KIAA2012: variants seen among roughly 807,000 people sequenced by gnomAD.
KIAA2012 encodes the protein KIAA2012, also known as uncharacterized protein KIAA2012.
KIAA2012 carries 125 observed loss-of-function variants against 150.6 expected under a neutral mutation model. The ratio of observed to expected loss-of-function variants is 0.83; its 90% confidence interval spans 0.72 to 0.96. The LOEUF is 0.96. Ranked by LOEUF, KIAA2012 falls within the 40% of genes least tolerant of loss-of-function variation. The probability of loss-of-function intolerance (pLI) is 0.00; values close to 1 mark genes in which losing one functional copy is unlikely to be tolerated. For missense variants in KIAA2012, 1,219 were observed against 1,354.9 expected, an observed-to-expected ratio of 0.90 and a Z score of 1.57; for synonymous variants, 462 against 504.7, an observed-to-expected ratio of 0.92 and a Z score of 1.13.
At chr2:202,100,861 C>T (rs1690023997) in intron 7 of KIAA2012, among the ~76,000 whole-genome samples, 1 of 152,198 alleles carries the variant, frequency 6.6e-6, no homozygotes, top group South Asian at 2.1e-4. Context: ...GGGTCTATCA[C>T]CTTTGAAAAT....
At chr2:202,180,176 C>CAGG (rs1692089711) in intron 15 of KIAA2012, among the ~76,000 whole-genome samples, 2 of 149,196 alleles carry the variant, frequency 1.3e-5, no homozygotes, top group Admixed American at 6.8e-5. Flanking sequence ...GAGGCTGAGG[C>CAGG]AGGAGAATCA....
chr2:202,095,504 T>C lies in KIAA2012; in HGVS notation c.686-1931T>C, dbSNP rs1223324983. Among the ~76,000 whole-genome samples the C allele has an allele frequency of 2.6e-5, 4 of 152,340 alleles. No homozygotes were observed. In the East Asian group the frequency reaches 7.7e-4, roughly 29 times the overall value. The stretch of plus-strand genomic sequence containing the variant: ...ACAGGAGAGGACAGAGCTACTCCAA[T>C]GCACATTATCTGGATTATCTGAATC... On this transcript the variant is annotated intron_variant, in intron 4 of 23. Coordinates refer to ENST00000498697, the MANE Select transcript of KIAA2012 (RefSeq NM_001277372.4).
intron 5 of KIAA2012, among the ~76,000 whole-genome samples, chr2:202,098,272 AT>A (rs1689945321): frequency 6.6e-6 from 1 of 152,200 alleles, no homozygotes; most frequent in Non-Finnish European, 1.5e-5. Flanking sequence ...AGGCAGGAGA[AT>A]CGCTTGAACC....
intron 4 of KIAA2012, among the ~76,000 whole-genome samples, chr2:202,095,545 G>A (rs1207525321): frequency 6.6e-6 from 1 of 152,162 alleles, no homozygotes; most frequent in Non-Finnish European, 1.5e-5. Context: ...CTGAGATATA[G>A]AGAGACTAAG....
chr2:202,139,814 A>G (rs989270082), intron 13 of KIAA2012, among the ~76,000 whole-genome samples: 2 of 151,906 alleles, frequency 1.3e-5, no homozygotes, highest in Non-Finnish European at 2.9e-5. Flanking sequence ...AAAACATAAT[A>G]TGGTGTATTT....
chr2:202,135,081 C>T (rs1355696685), intron 12 of KIAA2012, among the ~76,000 whole-genome samples: 1 of 152,222 alleles, frequency 6.6e-6, no homozygotes, highest in East Asian at 1.9e-4. Context: ...ATCTCTAAAA[C>T]TGCCTGATTA....
At chr2:202,165,721 CA>C (rs949931292) in intron 15 of KIAA2012, among the ~76,000 whole-genome samples, 78 of 150,260 alleles carry the variant, frequency 5.2e-4, no homozygotes, top group African/African-American at 1.8e-3. Flanking sequence ...AACTCCATCT[CA>C]AAAAAAAAGA....
At chr2:202,080,751 C>T (rs1689434487) in intron 2 of KIAA2012, among the ~76,000 whole-genome samples, 1 of 151,154 alleles carries the variant, frequency 6.6e-6, no homozygotes, top group Admixed American at 6.6e-5. Flanking sequence ...TAGTATTATA[C>T]CAGTACCATT....
intron 15 of KIAA2012, chr2:202,180,081 G>C (rs940005589): frequency 5.4e-6 from 2 of 371,202 alleles, no homozygotes; most frequent in East Asian, 7.1e-5. Context: ...AGACCAGCCT[G>C]ACCAACATGG....
intron 2 of KIAA2012, among the ~76,000 whole-genome samples, chr2:202,090,378 C>T (rs1172213751): frequency 6.6e-6 from 1 of 152,232 alleles, no homozygotes; most frequent in African/African-American, 2.4e-5. Context: ...ATTCACATTA[C>T]AAACATTGAA....
chr2:202,189,590 G>A (rs1692291077), intron 18 of KIAA2012, among the ~76,000 whole-genome samples: 1 of 151,952 alleles, frequency 6.6e-6, no homozygotes, highest in Non-Finnish European at 1.5e-5. Flanking sequence ...ACGCCCGGCT[G>A]AAATAGAACT....
chr2:202,179,633 T>C (rs1418614405), intron 15 of KIAA2012: 5 of 658,140 alleles, frequency 7.6e-6, no homozygotes, highest in Non-Finnish European at 1.2e-5. Context: ...GTGCGGAGAG[T>C]AGCTTCTGTA....
chr2:202,073,666 G>A lies in KIAA2012; in HGVS notation c.39G>A (p.Lys13=). ...TLSLLSRGHG[K]LGQDKQKLEV... ...CCCTCCTGAGCCGGGGCCACGGGAA[G>A]CTGGGCCAGGACAAACAGAAGTTAG... Residue 13 remains lysine (K), a synonymous_variant, in exon 1 of 24, where the codon AAG becomes AAA. Transcript: ENST00000498697. 9 of 1,550,478 alleles carry A rather than the reference G, an allele frequency of 5.8e-6. No individual in the cohort carries two copies. Among genetic ancestry groups the A allele is most frequent in the Non-Finnish European group, 7.8e-6 (9 of 1,146,954 alleles).
chr2:202,083,962 A>G (rs1040764071), intron 2 of KIAA2012, among the ~76,000 whole-genome samples: 2 of 152,144 alleles, frequency 1.3e-5, no homozygotes, highest in Non-Finnish European at 2.9e-5. Context: ...ATTTGAGCTG[A>G]GTCTTGTAAA....
intron 2 of KIAA2012, among the ~76,000 whole-genome samples, chr2:202,081,583 T>C (rs902697409): frequency 1.3e-5 from 2 of 150,640 alleles, no homozygotes. Context: ...GTTTCGCTCT[T>C]GTTGCCCAGA....
In KIAA2012 at chr2:202,076,878, G is replaced by C. The variant is rs555840837; in HGVS notation, c.369+1703G>C. ...CTGCTCTGCTCTGCATCACAGGCAG[G>C]TTGACCACAGGCTATATACAATTCT... On this transcript the variant is annotated intron_variant, in intron 2 of 23. Transcript: ENST00000498697. The C allele has an allele frequency of 3.0e-5, 13 of 436,230 alleles. No individual in the cohort carries two copies. In the East Asian group the frequency reaches 7.7e-4, roughly 26 times the overall value. 27.0% of individuals were successfully genotyped at this position (436,230 alleles called of 1,614,324 possible).
chr2:202,202,497 A>C lies in KIAA2012; in HGVS notation c.3476A>C (p.Gln1159Pro), dbSNP rs914942685. Residue 1159 changes from glutamine to proline, a missense_variant, in exon 23 of 24, where the codon CAG (glutamine) becomes CCG (proline). By Grantham distance (76) the Gln-to-Pro change is moderately conservative. Transcript: ENST00000498697. Reference sequence around the variant, plus strand: ...CTCCATAAGGAAGCCAGTGGCCTGCAGTGGACACAGAACATTTCCAGACCA... The same window carrying C: ...CTCCATAAGGAAGCCAGTGGCCTGCCGTGGACACAGAACATTTCCAGACCA... ...QELHKEASGL[Q>P]WTQNISRPWV... The C allele has an allele frequency of 2.5e-6, 1 of 399,182 alleles. No homozygotes were observed. Among genetic ancestry groups the C allele is most frequent in the Non-Finnish European group, 4.4e-6 (1 of 226,258 alleles). The allele number at this position is 399,182 out of a possible 1,614,324, so 24.7% of individuals were successfully genotyped here.
chr2:202,165,442 C>A, intron 15 of KIAA2012, 86 bp downstream of exon 15: 1 of 1,342,306 alleles, frequency 7.4e-7, no homozygotes, highest in Non-Finnish European at 1.0e-6. Flanking sequence ...TAATGGGAGG[C>A]CAGGCACGGT....
chr2:202,096,061 GCA>G (rs1369006241), intron 4 of KIAA2012, among the ~76,000 whole-genome samples: 11 of 152,118 alleles, frequency 7.2e-5, no homozygotes, highest in Non-Finnish European at 1.0e-4. Flanking sequence ...TCCAGCCTGG[GCA>G]ACAGAGTGAG....
Sources: allele counts gnomAD v4.1 joint callset (sites outside exome capture counted in the v4.1 genomes callset), GRCh38; gene constraint gnomAD v4.1.1; transcripts MANE v1.5; gene names NCBI Gene and HGNC (gene_info 2026-07-23, HGNC 2026-07-21).